The following ZNF600 variants were observed in gnomAD, a reference collection of about 807,000 sequenced individuals.
The protein encoded by ZNF600 is zinc finger protein KR-ZNF1.
Under a neutral mutation model 7.3 loss-of-function variants are expected in ZNF600, and 4 were observed. That is an observed-to-expected ratio of 0.55 (90% CI 0.27 to 1.25). The LOEUF is 1.25. ZNF600 is among the 50% of genes most tolerant of loss of function. ZNF600 has a pLI of 0.12. For synonymous variants in ZNF600, 290 were observed against 308.9 expected, an observed-to-expected ratio of 0.94 and a Z score of 0.64; for missense variants, 911 against 922.1, an observed-to-expected ratio of 0.99 and a Z score of 0.16.
At chr19:52,820,413 G>A in the ZNF600 span, among the ~76,000 whole-genome samples, 117 of 146,192 alleles carry the variant, frequency 8.0e-4, 8 homozygotes, top group Non-Finnish European at 5.3e-4. Flanking sequence ...CACCGCGCCC[G>A]GCCCTTATTT....
chr19:52,811,240 T>C, the ZNF600 span, among the ~76,000 whole-genome samples: 1 of 151,472 alleles, frequency 6.6e-6, no homozygotes. Context: ...CTCGGCTCAC[T>C]ACAACCTCCA....
At chr19:52,809,234 G>C in the ZNF600 span, among the ~76,000 whole-genome samples, 34 of 152,146 alleles carry the variant, frequency 2.2e-4, no homozygotes, top group Non-Finnish European at 3.8e-4. Context: ...CTGGAGGAAT[G>C]TTCAGATATC....
At chr19:52,822,816 G>A in the ZNF600 span, among the ~76,000 whole-genome samples, 5 of 152,264 alleles carry the variant, frequency 3.3e-5, no homozygotes, top group African/African-American at 1.2e-4. Context: ...TAGTGAGGCT[G>A]CTACAGTCCG....
In ZNF600 at chr19:52,774,721, T is replaced by C; in HGVS notation, c.64-20A>G. The C allele has an allele frequency of 2.0e-6, 2 of 985,344 alleles. No individual in the cohort carries two copies. The highest frequency in any genetic ancestry group is 9.4e-5 in the South Asian group (2 of 21,284). The allele number at this position is 985,344 out of a possible 1,614,324, so 61.0% of individuals were successfully genotyped here. On this transcript the variant is annotated intron_variant, in intron 2 of 3. Transcript: ENST00000648973. ...GCGTCCCTAAAATGAAACACACATT[T>C]CCACAAAACATTATGGAGGATTGAG...
chr19:52,802,399 G>T, the ZNF600 span, among the ~76,000 whole-genome samples: 1 of 151,828 alleles, frequency 6.6e-6, no homozygotes. Context: ...ACAAAAAAAG[G>T]CAGGGCATGG....
the ZNF600 span, among the ~76,000 whole-genome samples, chr19:52,803,311 C>A: frequency 1.3e-5 from 2 of 151,614 alleles, no homozygotes; most frequent in African/African-American, 2.4e-5. Context: ...GAACTCCTGA[C>A]CTCAGATGAT....
chr19:52,811,095 T>C, the ZNF600 span, among the ~76,000 whole-genome samples: 12 of 149,796 alleles, frequency 8.0e-5, no homozygotes, highest in East Asian at 2.0e-4. Flanking sequence ...GGTTTCGCTG[T>C]GTTGGCTGGG....
chr19:52,821,795 C>T, the ZNF600 span: 1 of 152,186 alleles, frequency 6.6e-6, no homozygotes, highest in African/African-American at 2.4e-5. Flanking sequence ...GTCTCAGCCT[C>T]CTCCCAGGCC....
chr19:52,820,322 T>C, the ZNF600 span, among the ~76,000 whole-genome samples: 1 of 135,776 alleles, frequency 7.4e-6, no homozygotes, highest in African/African-American at 3.1e-5. Flanking sequence ...TTTCACCTTG[T>C]TAGCCAGGAT....
chr19:52,782,111 C>G (rs979326829), intron 1 of ZNF600, among the ~76,000 whole-genome samples: 1 of 151,310 alleles, frequency 6.6e-6, no homozygotes, highest in Non-Finnish European at 1.5e-5. Flanking sequence ...GCCTGTGGTC[C>G]CAGCTACTCC....
chr19:52,787,836 G>A (rs1185708648), upstream of ZNF600, among the ~76,000 whole-genome samples: 2 of 147,238 alleles, frequency 1.4e-5, no homozygotes, highest in Non-Finnish European at 3.0e-5. Context: ...CTCCAGCCTG[G>A]GCGACAGAGC....
the ZNF600 span, among the ~76,000 whole-genome samples, chr19:52,829,166 A>G: frequency 5.5e-5 from 8 of 145,174 alleles, no homozygotes; most frequent in African/African-American, 2.0e-4. Context: ...ACTCAGCCTT[A>G]TTTTTATTTT....
At chr19:52,783,568 A>G (rs1191687547) in intron 1 of ZNF600, among the ~76,000 whole-genome samples, 3 of 152,054 alleles carry the variant, frequency 2.0e-5, no homozygotes, top group Admixed American at 6.6e-5. Flanking sequence ...TCACCGTGTT[A>G]GCCAGGACGG....
chr19:52,778,539 C>T (rs776523621), intron 2 of ZNF600, among the ~76,000 whole-genome samples: 1 of 152,158 alleles, frequency 6.6e-6, no homozygotes, highest in Non-Finnish European at 1.5e-5. Flanking sequence ...ACAATCCAGC[C>T]TGCCCAGCAG....
chr19:52,818,055 T>C, the ZNF600 span: 1 of 1,580,154 alleles, frequency 6.3e-7, no homozygotes, highest in Non-Finnish European at 8.6e-7. Context: ...ATATGTTGTT[T>C]ATTGCTCAGA....
the ZNF600 span, among the ~76,000 whole-genome samples, chr19:52,815,608 AGGT>A: frequency 6.8e-6 from 1 of 146,618 alleles, no homozygotes; most frequent in Admixed American, 6.8e-5. Flanking sequence ...GCGAATCATG[AGGT>A]CAGGAGATCG....
chr19:52,801,764 G>A, the ZNF600 span: 15 of 1,420,066 alleles, frequency 1.1e-5, no homozygotes, highest in Admixed American at 2.9e-4. Flanking sequence ...ATACTGAAAT[G>A]TGTAAATATG....
At chr19:52,825,503 A>G in the ZNF600 span, among the ~76,000 whole-genome samples, 3 of 152,018 alleles carry the variant, frequency 2.0e-5, no homozygotes, top group African/African-American at 2.4e-5. Context: ...GAGAAACTCC[A>G]TCTCTACTAA....
At chr19:52,832,364 G>C in the ZNF600 span, among the ~76,000 whole-genome samples, 6 of 151,978 alleles carry the variant, frequency 3.9e-5, no homozygotes, top group Admixed American at 1.3e-4. Flanking sequence ...GGGAGGCTAA[G>C]GTGAAAAAAC....
Sources: gnomAD v4.1 joint callset for allele counts (sites outside exome capture counted in the v4.1 genomes callset) on GRCh38, gnomAD v4.1.1 for gene constraint, MANE v1.5 for transcripts, NCBI Gene and HGNC (gene_info 2026-07-23, HGNC 2026-07-21) for gene names.